The following ZDHHC21 variants were observed in gnomAD, a reference collection of about 807,000 sequenced individuals.
ZDHHC21 encodes zDHHC palmitoyltransferase 21.
Under a neutral mutation model 34.6 loss-of-function variants are expected in ZDHHC21, and 15 were observed. The ratio of observed to expected loss-of-function variants is 0.43; its 90% confidence interval spans 0.29 to 0.67. ZDHHC21 has a LOEUF of 0.67. Among genes scored for constraint, ZDHHC21 ranks in the 30% least tolerant of loss-of-function variants. The pLI is 0.14. For missense variants in ZDHHC21, 344 were observed against 327.7 expected, an observed-to-expected ratio of 1.05 and a Z score of -0.38; for synonymous variants, 142 against 101.8, an observed-to-expected ratio of 1.40 and a Z score of -2.38.
chr9:14,664,379 T>A (rs538696659), intron 5 of ZDHHC21, among the ~76,000 whole-genome samples: 3 of 150,980 alleles, frequency 2.0e-5, no homozygotes, highest in African/African-American at 7.3e-5. Context: ...GTCTCGCTGA[T>A]TGCTAGCACA....
At chr9:14,625,632 G>C (rs1233402598) in intron 8 of ZDHHC21, among the ~76,000 whole-genome samples, 1 of 151,908 alleles carries the variant, frequency 6.6e-6, no homozygotes, top group Non-Finnish European at 1.5e-5. Context: ...TAAGATTTTA[G>C]TGATACTGCC....
intron 2 of ZDHHC21, among the ~76,000 whole-genome samples, chr9:14,681,358 T>A (rs1837337712): frequency 6.6e-6 from 1 of 152,188 alleles, no homozygotes; most frequent in East Asian, 1.9e-4. Context: ...TCACTGGCAC[T>A]ACAGCTGGGT....
At chr9:14,623,174 A>C (rs1825605962) in intron 8 of ZDHHC21, among the ~76,000 whole-genome samples, 1 of 151,966 alleles carries the variant, frequency 6.6e-6, no homozygotes, top group Admixed American at 6.6e-5. Flanking sequence ...AAAACAGACA[A>C]ATGAGATTAC....
chr9:14,603,622 T>G, the ZDHHC21 span, among the ~76,000 whole-genome samples: 1,557 of 152,304 alleles, frequency 0.01, 35 homozygotes, highest in African/African-American at 0.036. Context: ...TACCCTCATG[T>G]GATATATAAA....
chr9:14,645,347 G>A (rs1298002184), intron 7 of ZDHHC21, among the ~76,000 whole-genome samples: 1 of 151,938 alleles, frequency 6.6e-6, no homozygotes, highest in Non-Finnish European at 1.5e-5. Flanking sequence ...ACTACAGAGT[G>A]GAGGGGAAAG....
intron 6 of ZDHHC21, among the ~76,000 whole-genome samples, chr9:14,659,262 C>T (rs933912000): frequency 6.6e-6 from 1 of 152,070 alleles, no homozygotes; most frequent in African/African-American, 2.4e-5. Context: ...ACCCTGCTTC[C>T]CTGTATTTTG....
At chr9:14,596,906 T>A in the ZDHHC21 span, among the ~76,000 whole-genome samples, 1 of 152,084 alleles carries the variant, frequency 6.6e-6, no homozygotes, top group African/African-American at 2.4e-5. Context: ...TCAGAGAACT[T>A]CTGAGGCATG....
chr9:14,676,154 G>A (rs958178540), intron 3 of ZDHHC21, among the ~76,000 whole-genome samples: 6 of 152,120 alleles, frequency 3.9e-5, no homozygotes, highest in South Asian at 4.1e-4. Flanking sequence ...ATTAAAGACA[G>A]AGGTCCATTA....
At chr9:14,679,416 A>G (rs1836979768) in intron 3 of ZDHHC21, among the ~76,000 whole-genome samples, 1 of 152,138 alleles carries the variant, frequency 6.6e-6, no homozygotes, top group Admixed American at 6.6e-5. Context: ...AGCAACTTAT[A>G]GAATAGTTTA....
intron 7 of ZDHHC21, among the ~76,000 whole-genome samples, chr9:14,652,286 G>T (rs1195046150): frequency 6.6e-6 from 1 of 151,616 alleles, no homozygotes; most frequent in African/African-American, 2.4e-5. Flanking sequence ...AGGTTCACAG[G>T]CCTTTTTTTA....
chr9:14,645,312 G>A (rs1299155635), intron 7 of ZDHHC21, among the ~76,000 whole-genome samples: 1 of 152,010 alleles, frequency 6.6e-6, no homozygotes, highest in Non-Finnish European at 1.5e-5. Context: ...ACACACATAT[G>A]AATCATGATT....
In ZDHHC21 at chr9:14,645,151, G is replaced by T. The variant is rs568741403; in HGVS notation, c.505-5139C>A. Among the ~76,000 whole-genome samples, 5 of 151,958 alleles carry T rather than the reference G, an allele frequency of 3.3e-5. No homozygotes were observed. In the South Asian group the frequency reaches 1.0e-3, roughly 32 times the overall value. ...GTGAGAGGAGAAAATTTCCATAGGA[G>T]GAAAATGGGAATTTAAAAAAAGGTT... On this transcript the variant is annotated intron_variant, in intron 7 of 9. Coordinates refer to ENST00000380916, the MANE Select transcript of ZDHHC21 (RefSeq NM_178566.6).
At position 14,616,822 on chromosome 9, in the gene ZDHHC21, T is replaced by C. The variant is rs1192989871; in HGVS notation, c.*2144A>G. On this transcript the variant is annotated 3_prime_UTR_variant, in exon 10 of 10. Transcript: ENST00000380916. ...TCTAGTATATTAGTTTGTAGTCCAA[T>C]AATTTAGGGGAACTGAGTACAGAGG... The C allele has an allele frequency of 6.6e-6, 1 of 151,742 alleles. No individual in the cohort carries two copies. Among genetic ancestry groups the C allele is most frequent in the East Asian group, 1.9e-4 (1 of 5,170 alleles). The allele number at this position is 151,742 out of a possible 1,614,324, so 9.4% of individuals were successfully genotyped here.
chr9:14,595,417 A>G, the ZDHHC21 span, among the ~76,000 whole-genome samples: 14 of 152,246 alleles, frequency 9.2e-5, no homozygotes, highest in Non-Finnish European at 1.9e-4. Context: ...ATAAAAGACT[A>G]CATAATGTAT....
chr9:14,664,643 C>T (rs1263544391), intron 5 of ZDHHC21, among the ~76,000 whole-genome samples: 14 of 151,348 alleles, frequency 9.3e-5, no homozygotes, highest in Admixed American at 5.9e-4. Flanking sequence ...TCTCCCTGCA[C>T]GCAGCTGGAG....
the ZDHHC21 span, among the ~76,000 whole-genome samples, chr9:14,605,595 A>C: frequency 1.3e-5 from 2 of 152,100 alleles, no homozygotes; most frequent in Non-Finnish European, 2.9e-5. Context: ...TTAACCTCTT[A>C]GCAAATATGT....
chr9:14,682,010 A>G (rs1344920390), intron 2 of ZDHHC21, among the ~76,000 whole-genome samples: 1 of 152,200 alleles, frequency 6.6e-6, no homozygotes, highest in African/African-American at 2.4e-5. Context: ...GGTCACCACC[A>G]GGCCTGCCCT....
chr9:14,639,454 A>T (rs1828922018), intron 8 of ZDHHC21, among the ~76,000 whole-genome samples: 1 of 152,110 alleles, frequency 6.6e-6, no homozygotes, highest in African/African-American at 2.4e-5. Context: ...CAGTAGGGTG[A>T]CTACAGTCAG....
intron 7 of ZDHHC21, among the ~76,000 whole-genome samples, chr9:14,641,740 T>C (rs1387888752): frequency 6.6e-6 from 1 of 152,204 alleles, no homozygotes; most frequent in African/African-American, 2.4e-5. Context: ...TGATGCTCAC[T>C]TCCATAAGAA....
Sources: gnomAD v4.1 joint callset for allele counts (sites outside exome capture counted in the v4.1 genomes callset) on GRCh38, gnomAD v4.1.1 for gene constraint, MANE v1.5 for transcripts, NCBI Gene and HGNC (gene_info 2026-07-23, HGNC 2026-07-21) for gene names.